The following GJB7 variants were observed in gnomAD, a reference collection of about 807,000 sequenced individuals.
The protein encoded by GJB7 is gap junction protein beta 7, also known as gap junction beta-7 protein.
For synonymous variants in GJB7, 87 were observed against 95.2 expected (o/e 0.91, Z 0.50); for missense variants, 253 against 256.8 (o/e 0.99, Z 0.10).
chr6:87,303,758 T>A (rs2127904035), intron 2 of GJB7, among the ~76,000 whole-genome samples: 1 of 152,306 alleles, frequency 6.6e-6, no homozygotes, highest in South Asian at 2.1e-4. Context: ...ATTCCAAAAT[T>A]GACCTCATAG....
At chr6:87,288,283 C>A (rs961391849) in intron 2 of GJB7, among the ~76,000 whole-genome samples, 2 of 152,054 alleles carry the variant, frequency 1.3e-5, no homozygotes, top group African/African-American at 2.4e-5. Context: ...AAAAAATAAA[C>A]CTAATAAACA....
chr6:87,301,470 C>T (rs534512543), intron 2 of GJB7, among the ~76,000 whole-genome samples: 8 of 152,058 alleles, frequency 5.3e-5, no homozygotes, highest in African/African-American at 1.7e-4. Flanking sequence ...AAGGCAGCAG[C>T]GAGGGTGGGG....
At chr6:87,328,368 C>G (rs1456713110) in intron 1 of GJB7, among the ~76,000 whole-genome samples, 1 of 151,950 alleles carries the variant, frequency 6.6e-6, no homozygotes, top group Non-Finnish European at 1.5e-5. Flanking sequence ...CTGTTTTTTC[C>G]CCATCTTTGT....
chr6:87,298,098 C>T (rs1234005928), intron 2 of GJB7, among the ~76,000 whole-genome samples: 1 of 152,176 alleles, frequency 6.6e-6, no homozygotes, highest in African/African-American at 2.4e-5. Context: ...GGAGGGCTCT[C>T]CTCCTATTGG....
chr6:87,307,573 A>C (rs938380322), intron 2 of GJB7, among the ~76,000 whole-genome samples: 3 of 152,216 alleles, frequency 2.0e-5, no homozygotes, highest in Admixed American at 1.3e-4. Flanking sequence ...AAAGATATGA[A>C]CAGACACTTC....
rs538949089 is a variant in GJB7, at chr6:87,328,745, G to A, written c.-206+393C>T. On this transcript the variant is annotated intron_variant, in intron 1 of 2. Transcript: ENST00000525899. ...GCCCCCAGAGGTGGAGCCTACAGAG[G>A]CAGGCAGGCCTCCTTGAGCTGTGGT... 3.4e-3 allele frequency among the ~76,000 whole-genome samples: 517 copies of A among 152,330 alleles called. 1 individual carries two copies. Among genetic ancestry groups the A allele is most frequent in the African/African-American group, 0.012 (495 of 41,572 alleles).
intron 2 of GJB7, among the ~76,000 whole-genome samples, chr6:87,304,709 A>G (rs1389735632): frequency 6.6e-6 from 1 of 152,244 alleles, no homozygotes; most frequent in African/African-American, 2.4e-5. Flanking sequence ...AAAGCCTGGC[A>G]GAGACACAAC....
chr6:87,328,612 C>G (rs1582089988), intron 1 of GJB7, among the ~76,000 whole-genome samples: 1 of 152,190 alleles, frequency 6.6e-6, no homozygotes, highest in African/African-American at 2.4e-5. Context: ...TGCCTGTTCT[C>G]AGATCTCCAG....
At chr6:87,323,067 A>C (rs1582082130) in intron 1 of GJB7, 24 bp from the exon 2 acceptor site, 1 of 141,596 alleles carries the variant, frequency 7.1e-6, no homozygotes, top group South Asian at 2.1e-4. Context: ...TGTAGAACTT[A>C]ACGGAATGAA....
At chr6:87,284,981 T>C (rs1195671184) in intron 2 of GJB7, 42 bp from the exon 3 acceptor site, 9 of 1,237,870 alleles carry the variant, frequency 7.3e-6, no homozygotes, top group Non-Finnish European at 1.0e-5. Flanking sequence ...TTTATTTCTA[T>C]TCTACAGATC....
At chr6:87,319,785 G>A (rs1408236054) in intron 2 of GJB7, among the ~76,000 whole-genome samples, 1 of 152,042 alleles carries the variant, frequency 6.6e-6, no homozygotes, top group African/African-American at 2.4e-5. Context: ...AGTGTCCATC[G>A]ACAGATAAAT....
intron 2 of GJB7, among the ~76,000 whole-genome samples, chr6:87,294,991 A>G (rs1216421733): frequency 6.6e-6 from 1 of 152,226 alleles, no homozygotes; most frequent in African/African-American, 2.4e-5. Context: ...TCAAAATGGG[A>G]AAAGCATTCC....
rs183750157 is a variant in GJB7, at chr6:87,289,880, A to T, written c.-27-4941T>A. On this transcript the variant is annotated intron_variant, in intron 2 of 2. Transcript: ENST00000525899. ...TAAATACTGTCCAAAAAGCCCTTGC[A>T]CTGCTGGGAGCCAGAGAGCTGCTTC... Among the ~76,000 whole-genome samples the T allele has an allele frequency of 1.2e-3, 182 of 152,330 alleles. 1 individual carries two copies. Among genetic ancestry groups the T allele is most frequent in the African/African-American group, 3.4e-3 (142 of 41,578 alleles).
At chr6:87,308,455 A>G (rs1245507991) in intron 2 of GJB7, among the ~76,000 whole-genome samples, 1 of 152,242 alleles carries the variant, frequency 6.6e-6, no homozygotes, top group Non-Finnish European at 1.5e-5. Context: ...CAGCAGATTA[A>G]CTGAAAAAAG....
intron 1 of GJB7, among the ~76,000 whole-genome samples, chr6:87,328,043 G>A (rs905277600): frequency 5.3e-5 from 8 of 151,848 alleles, no homozygotes; most frequent in African/African-American, 7.3e-5. Flanking sequence ...CCAGTTGATC[G>A]CATCAGCTCC....
At chr6:87,299,594 C>G in intron 2 of GJB7, 1 of 220,932 alleles carries the variant, frequency 4.5e-6, no homozygotes, top group South Asian at 6.8e-5. Flanking sequence ...GATAGAGAAG[C>G]TCGAAGTACA....
chr6:87,322,737 C>T (rs1380246665), intron 2 of GJB7, 129 bp downstream of exon 2: 1 of 152,266 alleles, frequency 6.6e-6, no homozygotes, highest in African/African-American at 2.4e-5. Context: ...GCTGCCCTGC[C>T]GGTCTCCCTC....
chr6:87,288,354 G>A (rs575873225), intron 2 of GJB7, among the ~76,000 whole-genome samples: 2 of 152,216 alleles, frequency 1.3e-5, no homozygotes, highest in East Asian at 3.9e-4. Context: ...GTAACAATTG[G>A]AGAAAGCTGT....
intron 2 of GJB7, among the ~76,000 whole-genome samples, chr6:87,318,290 G>A (rs989414580): frequency 6.6e-6 from 1 of 152,070 alleles, no homozygotes; most frequent in South Asian, 2.1e-4. Context: ...AAGCTATCAG[G>A]CAAATACTCT....
Sources: allele counts gnomAD v4.1 joint callset (sites outside exome capture counted in the v4.1 genomes callset), GRCh38; gene constraint gnomAD v4.1.1; transcripts MANE v1.5; gene names NCBI Gene and HGNC (gene_info 2026-07-23, HGNC 2026-07-21).